The following MYO16 variants were observed in gnomAD, a reference collection of about 807,000 sequenced individuals.
MYO16 encodes unconventional myosin-XVI.
Under a neutral mutation model 205.3 loss-of-function variants are expected in MYO16, and 94 were observed. The ratio of observed to expected loss-of-function variants is 0.46; its 90% CI spans 0.39 to 0.54. The LOEUF (loss-of-function observed/expected upper bound fraction) is 0.54, where lower values mean the gene tolerates loss of function less well. Among genes scored for constraint, MYO16 ranks in the 20% least tolerant of loss-of-function variants. The pLI, the probability that MYO16 is intolerant of heterozygous loss-of-function variation, is 0.00. For synonymous variants in MYO16, 988 were observed against 954.0 expected, an observed-to-expected ratio of 1.04 and a Z score of -0.66; for missense variants, 2,315 against 2,387.5, an observed-to-expected ratio of 0.97 and a Z score of 0.63.
At chr13:108,831,779 C>G (rs1205964810) in intron 9 of MYO16, among the ~76,000 whole-genome samples, 2 of 152,196 alleles carry the variant, frequency 1.3e-5, no homozygotes, top group South Asian at 4.1e-4. Flanking sequence ...TTCCAAAGTG[C>G]TGAGATTACA....
At chr13:108,547,386 G>A in the MYO16 span, among the ~76,000 whole-genome samples, 69 of 151,932 alleles carry the variant, frequency 4.5e-4, no homozygotes, top group South Asian at 6.2e-4. Flanking sequence ...ATTGGCTTTC[G>A]TGAGGTTGGG....
At chr13:108,816,306 G>T (rs1053556492) in intron 7 of MYO16, among the ~76,000 whole-genome samples, 4 of 151,954 alleles carry the variant, frequency 2.6e-5, no homozygotes, top group Non-Finnish European at 5.9e-5. Context: ...AGAATATGAC[G>T]AGGCAAGCCA....
chr13:108,918,954 C>CAA (rs10585137), intron 16 of MYO16, among the ~76,000 whole-genome samples: 2 of 139,888 alleles, frequency 1.4e-5, no homozygotes, highest in African/African-American at 2.7e-5. Flanking sequence ...GAAAACAGAA[C>CAA]AAAAAAAAAA....
rs944049209 is a variant in MYO16, at chr13:108,867,321, G to A, written c.1425+1079G>A. Among the ~76,000 whole-genome samples, 3 of 152,106 alleles carry A rather than the reference G, an allele frequency of 2.0e-5. No individual in the cohort carries two copies. The East Asian group carries it at 5.8e-4, about 29-fold the overall frequency. On this transcript the variant is annotated intron_variant, in intron 12 of 34. Coordinates refer to ENST00000457511, the MANE Select transcript of MYO16 (RefSeq NM_001198950.3). ...GTTGAAGCTACAGGGAGCTGTGATT[G>A]TATTACTGCACTCCAGCCTGGGAGA...
chr13:108,544,930 A>G, the MYO16 span, among the ~76,000 whole-genome samples: 1 of 152,148 alleles, frequency 6.6e-6, no homozygotes, highest in Non-Finnish European at 1.5e-5. Flanking sequence ...CAAATGATAG[A>G]ATCTCACTCG....
chr13:108,588,328 G>A, the MYO16 span, among the ~76,000 whole-genome samples: 1 of 152,164 alleles, frequency 6.6e-6, no homozygotes, highest in Middle Eastern at 3.2e-3. Context: ...TTCCTAGGCT[G>A]TACTGGTCAC....
intron 3 of MYO16, among the ~76,000 whole-genome samples, chr13:108,714,088 A>C (rs146025426): frequency 1.3e-5 from 2 of 151,826 alleles, no homozygotes; most frequent in South Asian, 4.2e-4. Flanking sequence ...ACAGAGTCTC[A>C]CTCTGTCGCC....
chr13:108,850,448 T>C (rs868325662), intron 10 of MYO16, among the ~76,000 whole-genome samples: 20 of 152,370 alleles, frequency 1.3e-4, no homozygotes, highest in East Asian at 9.6e-4. Flanking sequence ...TCTTCTAAAT[T>C]ATGCCTATCT....
intron 4 of MYO16, among the ~76,000 whole-genome samples, chr13:108,745,685 G>T (rs1160785139): frequency 6.6e-6 from 1 of 151,758 alleles, no homozygotes; most frequent in African/African-American, 2.4e-5. Flanking sequence ...ACAGTTTGAA[G>T]ATATAAAAAA....
At chr13:108,546,412 G>T in the MYO16 span, among the ~76,000 whole-genome samples, 1 of 152,142 alleles carries the variant, frequency 6.6e-6, no homozygotes, top group Non-Finnish European at 1.5e-5. Context: ...GTGCATGTTG[G>T]CAGTTTAAAG....
At chr13:108,894,120 G>T (rs559334538) in intron 14 of MYO16, among the ~76,000 whole-genome samples, 2 of 152,166 alleles carry the variant, frequency 1.3e-5, no homozygotes, top group Admixed American at 6.5e-5. Context: ...GAGAGCATGC[G>T]CAGGGGAAAC....
At position 109,055,061 on chromosome 13, in the gene MYO16, G is replaced by A; in HGVS notation, c.3064G>A (p.Gly1022Arg). Residue 1022 changes from glycine to arginine, a missense_variant, in exon 26 of 35, where the codon GGA (glycine) becomes AGA (arginine). Gly to Arg is a moderately radical substitution (Grantham distance 125). This residue lies in a region of MYO16 where 1,213 missense variants were observed against 1,274.4 expected (regional missense o/e 0.95). Coordinates refer to ENST00000457511, the MANE Select transcript of MYO16 (RefSeq NM_001198950.3). This position sits in a 1 kb window ranked among gnomAD's most constrained non-coding sequence, Gnocchi z 5.0. Reference sequence around the variant, plus strand: ...TTTATTACAGTTATTAAAAAAGAAAGGAACTTCTACATTTCTTCAAAGATT... The same window carrying A: ...TTTATTACAGTTATTAAAAAAGAAAAGAACTTCTACATTTCTTCAAAGATT... Reference protein sequence around the residue: ...LELSKLLKKKGTSTFLQRLER... With the variant: ...LELSKLLKKKRTSTFLQRLER... The A allele has an allele frequency of 1.3e-6, 2 of 1,568,966 alleles. No homozygotes were observed. Among genetic ancestry groups the A allele is most frequent in the Admixed American group, 1.9e-5 (1 of 53,184 alleles).
At chr13:109,114,419 T>C (rs1178009298) in intron 28 of MYO16, among the ~76,000 whole-genome samples, 1 of 152,204 alleles carries the variant, frequency 6.6e-6, no homozygotes, top group Admixed American at 6.5e-5. Context: ...GAGCTCCGAT[T>C]CATCTTATCT....
intron 7 of MYO16, among the ~76,000 whole-genome samples, chr13:108,818,800 G>A (rs1875783853): frequency 6.6e-6 from 1 of 152,154 alleles, no homozygotes; most frequent in Admixed American, 6.5e-5. Context: ...GGCAAAACTG[G>A]CAAATCCCTA....
the MYO16 span, among the ~76,000 whole-genome samples, chr13:108,507,270 C>G: frequency 6.6e-6 from 1 of 152,124 alleles, no homozygotes; most frequent in Non-Finnish European, 1.5e-5. Context: ...TGCATTTCAA[C>G]TTAAAGGGGC....
At chr13:109,061,490 T>C (rs144214954) in intron 27 of MYO16, among the ~76,000 whole-genome samples, 1 of 152,322 alleles carries the variant, frequency 6.6e-6, no homozygotes, top group East Asian at 1.9e-4. Flanking sequence ...TTAGTCTGAT[T>C]TTAATAATTC....
chr13:108,635,474 G>A (rs1031804116), intron 1 of MYO16, among the ~76,000 whole-genome samples: 2 of 151,280 alleles, frequency 1.3e-5, no homozygotes, highest in Non-Finnish European at 2.9e-5. Context: ...TGTTTCTCTT[G>A]ATATGAATGT....
chr13:109,178,906 A>T (rs577294601), intron 33 of MYO16, among the ~76,000 whole-genome samples: 14 of 152,238 alleles, frequency 9.2e-5, no homozygotes, highest in Non-Finnish European at 2.1e-4. Context: ...TTGGTGCCTC[A>T]TAGTAACTTC....
chr13:108,828,123 G>A (rs556870979), intron 9 of MYO16, among the ~76,000 whole-genome samples: 1 of 152,172 alleles, frequency 6.6e-6, no homozygotes, highest in African/African-American at 2.4e-5. Context: ...ACACCTGGAC[G>A]CATGTCCTGT....
Sources: gnomAD v4.1 joint callset for allele counts (sites outside exome capture counted in the v4.1 genomes callset) on GRCh38, gnomAD v4.1.1 for gene constraint, gnomAD v4.1.1 regional missense constraint, Gnocchi (gnomAD v3.1) non-coding constraint, MANE v1.5 for transcripts, NCBI Gene and HGNC (gene_info 2026-07-23, HGNC 2026-07-21) for gene names.